The following TENM3 variants were observed in gnomAD, a reference collection of about 807,000 sequenced individuals.
TENM3 encodes teneurin transmembrane protein 3.
Under a neutral mutation model 255.1 loss-of-function variants are expected in TENM3, and 63 were observed. The ratio of observed to expected loss-of-function variants is 0.25; its 90% CI spans 0.20 to 0.30. TENM3 has a LOEUF of 0.30. TENM3 is among the 10% of genes least tolerant of loss of function. TENM3 has a pLI of 1.00. For synonymous variants in TENM3, 1,306 were observed against 1,322.3 expected (o/e 0.99, Z 0.27); for missense variants, 2,929 against 3,461.1 (o/e 0.85, Z 3.86).
At position 182,420,277 on chromosome 4, in the gene TENM3, C is replaced by T. The variant is rs374711692; in HGVS notation, c.511+73348C>T. ...CAGATGAAAATTTGACTTAATTTAA[C>T]ACATTTGTGGCCATGAAATGAATTA... On this transcript the variant is annotated intron_variant, in intron 3 of 27. Coordinates refer to ENST00000511685, the MANE Select transcript of TENM3 (RefSeq NM_001080477.4). 9.2e-5 allele frequency among the ~76,000 whole-genome samples: 14 copies of T among 152,040 alleles called. No individual in the cohort carries two copies. The East Asian group carries it at 2.3e-3, about 25-fold the overall frequency.
chr4:181,523,080 A>T, the TENM3 span: 1 of 540,830 alleles, frequency 1.8e-6, no homozygotes, highest in Non-Finnish European at 3.6e-6. Context: ...GCATGGGACA[A>T]AGACATCTTT....
intron 22 of TENM3, among the ~76,000 whole-genome samples, chr4:182,769,325 G>A (rs1763978980): frequency 6.6e-6 from 1 of 152,104 alleles, no homozygotes. Context: ...CCCTTAGTCA[G>A]AGTCCCCGGG....
the TENM3 span, among the ~76,000 whole-genome samples, chr4:181,858,563 T>C: frequency 6.6e-6 from 1 of 152,332 alleles, no homozygotes; most frequent in African/African-American, 2.4e-5. Flanking sequence ...CCTGCTCTCA[T>C]GGAGCTTGAA....
chr4:182,647,050 G>A (rs1752816556), intron 5 of TENM3, among the ~76,000 whole-genome samples: 1 of 152,124 alleles, frequency 6.6e-6, no homozygotes, highest in African/African-American at 2.4e-5. Context: ...TTGTAAACAT[G>A]CTTAAGTTGA....
At chr4:182,464,150 A>G (rs1382778641) in intron 3 of TENM3, among the ~76,000 whole-genome samples, 1 of 152,224 alleles carries the variant, frequency 6.6e-6, no homozygotes, top group Admixed American at 6.5e-5. Context: ...AAAGCTAAAA[A>G]TACTGTATTA....
At chr4:182,231,964 G>GT (rs1402006047) in intron 1 of TENM3, among the ~76,000 whole-genome samples, 2 of 152,188 alleles carry the variant, frequency 1.3e-5, no homozygotes, top group Non-Finnish European at 2.9e-5. Context: ...CATATTTTTT[G>GT]TATGTGCCTG....
intron 4 of TENM3, among the ~76,000 whole-genome samples, chr4:182,609,147 G>C (rs777073984): frequency 5.3e-5 from 8 of 152,182 alleles, no homozygotes; most frequent in Non-Finnish European, 8.8e-5. Context: ...AACGTGCACA[G>C]ATTAATTTTT....
chr4:181,592,065 C>G, the TENM3 span, among the ~76,000 whole-genome samples: 3 of 152,016 alleles, frequency 2.0e-5, no homozygotes, highest in Non-Finnish European at 2.9e-5. Context: ...CTAGGAAGAG[C>G]GACTGCAAAG....
At chr4:182,176,903 G>A (rs893599478) in intron 1 of TENM3, among the ~76,000 whole-genome samples, 14 of 138,796 alleles carry the variant, frequency 1.0e-4, no homozygotes, top group South Asian at 2.2e-4. Context: ...TCGAATTCCT[G>A]ACCTCAGGTG....
chr4:181,871,545 T>A, the TENM3 span, among the ~76,000 whole-genome samples: 1 of 152,138 alleles, frequency 6.6e-6, no homozygotes, highest in African/African-American at 2.4e-5. Flanking sequence ...TTATGCCTTT[T>A]ATGTCTTTCT....
the TENM3 span, among the ~76,000 whole-genome samples, chr4:181,493,908 T>G: frequency 6.6e-6 from 1 of 151,950 alleles, no homozygotes; most frequent in Non-Finnish European, 1.5e-5. Context: ...ATAACAACAA[T>G]AAGAACAACC....
chr4:181,647,674 A>C, the TENM3 span, among the ~76,000 whole-genome samples: 3 of 152,182 alleles, frequency 2.0e-5, no homozygotes, highest in Non-Finnish European at 4.4e-5. Flanking sequence ...GAAGAGAAAT[A>C]GGAGTGATGA....
the TENM3 span, among the ~76,000 whole-genome samples, chr4:181,771,623 C>T: frequency 6.6e-6 from 1 of 152,216 alleles, no homozygotes; most frequent in African/African-American, 2.4e-5. Flanking sequence ...TGATTAGGAA[C>T]CAACTCGTCT....
At chr4:181,486,685 A>G in the TENM3 span, among the ~76,000 whole-genome samples, 1 of 152,326 alleles carries the variant, frequency 6.6e-6, no homozygotes, top group South Asian at 2.1e-4. Flanking sequence ...ATGTTGTGTT[A>G]CAGTTTTCAT....
At chr4:181,902,949 T>A in the TENM3 span, among the ~76,000 whole-genome samples, 1 of 152,206 alleles carries the variant, frequency 6.6e-6, no homozygotes, top group Non-Finnish European at 1.5e-5. Context: ...TTTAAGTACG[T>A]TGTGTTTTAC....
chr4:181,598,451 CT>C, the TENM3 span, among the ~76,000 whole-genome samples: 1 of 152,100 alleles, frequency 6.6e-6, no homozygotes, highest in African/African-American at 2.4e-5. Flanking sequence ...ATTTTTTCCC[CT>C]AACCCCCAGC....
chr4:182,755,909 G>A (rs1226247187), intron 22 of TENM3, among the ~76,000 whole-genome samples: 1 of 152,188 alleles, frequency 6.6e-6, no homozygotes. Context: ...TAGGGCCTTG[G>A]AAAGGGAAGG....
chr4:181,466,276 C>T, the TENM3 span, among the ~76,000 whole-genome samples: 1 of 151,982 alleles, frequency 6.6e-6, no homozygotes, highest in Non-Finnish European at 1.5e-5. Flanking sequence ...CAACACCACA[C>T]CCAGTTAATT....
intron 1 of TENM3, among the ~76,000 whole-genome samples, chr4:182,253,344 G>A (rs568543552): frequency 1.3e-5 from 2 of 152,216 alleles, no homozygotes; most frequent in South Asian, 2.1e-4. Flanking sequence ...GTAGTGGCAC[G>A]TGCCTGTAAT....
Sources: gnomAD v4.1 joint callset for allele counts (sites outside exome capture counted in the v4.1 genomes callset) on GRCh38, gnomAD v4.1.1 for gene constraint, MANE v1.5 for transcripts, NCBI Gene and HGNC (gene_info 2026-07-23, HGNC 2026-07-21) for gene names.